MYO5A: variants seen among roughly 807,000 people sequenced by gnomAD.
MYO5A encodes myosin VA, also known as unconventional myosin-Va.
In MYO5A, 98 loss-of-function variants were observed where a neutral mutation model predicts 249.7. The ratio of observed to expected loss-of-function variants is 0.39; its 90% CI spans 0.33 to 0.46. MYO5A has a LOEUF of 0.46. Ranked by LOEUF, MYO5A falls within the 20% of genes least tolerant of loss-of-function variation. The probability of loss-of-function intolerance (pLI) is 0.98; values close to 1 mark genes in which losing one functional copy is unlikely to be tolerated. For synonymous variants in MYO5A, 778 were observed against 810.6 expected (o/e 0.96, Z 0.68); for missense variants, 1,696 against 2,308.8 (o/e 0.73, Z 5.44).
chr15:52,397,405 C>T lies in MYO5A; in HGVS notation c.1115G>A (p.Cys372Tyr), dbSNP rs751415271. The T allele has an allele frequency of 8.1e-6, 13 of 1,613,918 alleles. No homozygotes were observed. In the Admixed American group the frequency reaches 2.2e-4, roughly 27 times the overall value. Residue 372 changes from cysteine to tyrosine, a missense_variant, in exon 10 of 42, where the codon TGT (cysteine) becomes TAT (tyrosine). By Grantham distance (194) the Cys-to-Tyr change is radical (BLOSUM62 -2). Transcript: ENST00000399233. ...CAGTTTCCGATGGCAGAGCCAGTGA[C>T]ACATCTCCTCATAGTCCACACCCAT... is the stretch of plus-strand genomic sequence containing the variant. ...ELMGVDYEEM[C>Y]HWLCHRKLAT...
At chr15:52,393,144 G>T (rs1471837199) in intron 11 of MYO5A, among the ~76,000 whole-genome samples, 1 of 152,168 alleles carries the variant, frequency 6.6e-6, no homozygotes, top group African/African-American at 2.4e-5. Flanking sequence ...CATTCTTGGG[G>T]AGTTTCTGCC....
intron 6 of MYO5A, among the ~76,000 whole-genome samples, chr15:52,409,385 T>C (rs886276043): frequency 2.6e-5 from 4 of 152,190 alleles, no homozygotes; most frequent in Non-Finnish European, 5.9e-5. Context: ...GCCATCAGCA[T>C]AGTAACACTG....
At chr15:52,493,436 G>C (rs2076975136) in intron 1 of MYO5A, among the ~76,000 whole-genome samples, 1 of 152,164 alleles carries the variant, frequency 6.6e-6, no homozygotes, top group South Asian at 2.1e-4. Context: ...GTCGAGGCAG[G>C]CAGATCACTT....
chr15:52,465,515 G>A (rs2076334323), intron 1 of MYO5A, among the ~76,000 whole-genome samples: 2 of 152,160 alleles, frequency 1.3e-5, no homozygotes, highest in Admixed American at 1.3e-4. Flanking sequence ...GTCCCTTAAT[G>A]TATAAAGAAC....
At chr15:52,399,681 CA>C (rs1351534534) in intron 9 of MYO5A, among the ~76,000 whole-genome samples, 2 of 151,594 alleles carry the variant, frequency 1.3e-5, no homozygotes, top group Non-Finnish European at 2.9e-5. Context: ...ATTTTAGAAT[CA>C]GGGGGCACAT....
At chr15:52,388,253 T>C (rs535843089) in intron 13 of MYO5A, among the ~76,000 whole-genome samples, 1 of 152,288 alleles carries the variant, frequency 6.6e-6, no homozygotes, top group African/African-American at 2.4e-5. Context: ...CCAACCTAGG[T>C]TACCATCAAG....
At chr15:52,386,704 G>A (rs1213021498) in intron 14 of MYO5A, among the ~76,000 whole-genome samples, 2 of 151,938 alleles carry the variant, frequency 1.3e-5, no homozygotes, top group African/African-American at 4.8e-5. Flanking sequence ...GCACCACCAT[G>A]CCCAGCAAAT....
At chr15:52,415,540 C>T (rs1399547261) in intron 5 of MYO5A, among the ~76,000 whole-genome samples, 1 of 152,098 alleles carries the variant, frequency 6.6e-6, no homozygotes, top group Non-Finnish European at 1.5e-5. Context: ...TTTTATGAAC[C>T]TATAGCTGTG....
intron 33 of MYO5A, 43 bp downstream of exon 33, chr15:52,337,767 G>A (rs961403177): frequency 3.5e-6 from 5 of 1,412,856 alleles, no homozygotes; most frequent in Non-Finnish European, 4.8e-6. Flanking sequence ...AGGGCTATAA[G>A]TAGCAAGGGA....
At chr15:52,409,863 T>C (rs2043173567) in intron 6 of MYO5A, among the ~76,000 whole-genome samples, 1 of 152,194 alleles carries the variant, frequency 6.6e-6, no homozygotes, top group South Asian at 2.1e-4. Flanking sequence ...TTGATAGTAG[T>C]TCACAATTGG....
At chr15:52,356,827 G>A (rs2040251371) in intron 25 of MYO5A, among the ~76,000 whole-genome samples, 1 of 120,848 alleles carries the variant, frequency 8.3e-6, no homozygotes. Flanking sequence ...TTATTTTCAG[G>A]AATTGTATAT....
chr15:52,392,094 A>G (rs1302510276), intron 11 of MYO5A, 24 bp from the exon 12 acceptor site: 1 of 1,600,704 alleles, frequency 6.2e-7, no homozygotes, highest in East Asian at 2.2e-5. Flanking sequence ...GAAAAAAAGC[A>G]GTCATTACTG....
chr15:52,403,662 A>T (rs1567093233), intron 9 of MYO5A, among the ~76,000 whole-genome samples: 9 of 152,248 alleles, frequency 5.9e-5, no homozygotes, highest in Admixed American at 5.9e-4. Context: ...ACTAAAAGCC[A>T]CTTAATGGTA....
At chr15:52,474,160 T>C (rs1283169421) in intron 1 of MYO5A, among the ~76,000 whole-genome samples, 1 of 152,230 alleles carries the variant, frequency 6.6e-6, no homozygotes, top group Admixed American at 6.5e-5. Context: ...CAATTGTGAA[T>C]GGGAGTTCAC....
chr15:52,416,294 G>A lies in MYO5A; in HGVS notation c.463C>T (p.Arg155Ter), dbSNP rs2043479059. The change falls in exon 5 of 42, where the codon CGA (arginine) becomes TGA (stop). Residue 155 changes from arginine (R) to a stop codon, truncating the protein, a stop_gained. Coordinates refer to ENST00000399233, the MANE Select transcript of MYO5A (RefSeq NM_001382347.1). LOFTEE classifies it high-confidence loss of function. ...EAYKQMARDE[R>*]NQSIIVSGES... ...CCACTTACGATGATGGACTGATTTC[G>A]TTCATCTCTGTAAAATAAAAATTTT... The A allele has an allele frequency of 1.2e-6, 2 of 1,613,624 alleles. No individual in the cohort carries two copies. The highest frequency in any genetic ancestry group is 1.1e-5 in the South Asian group (1 of 91,074).
chr15:52,381,149 A>G (rs2041721810), intron 16 of MYO5A, among the ~76,000 whole-genome samples: 1 of 150,514 alleles, frequency 6.6e-6, no homozygotes, highest in South Asian at 2.1e-4. Flanking sequence ...GTTCTGAGCG[A>G]TCCATCCGGG....
chr15:52,528,247 C>G (rs757670760), intron 1 of MYO5A, among the ~76,000 whole-genome samples: 1 of 152,178 alleles, frequency 6.6e-6, no homozygotes, highest in Non-Finnish European at 1.5e-5. Flanking sequence ...GCTCGCCACC[C>G]CCAGCGCAGC....
chr15:52,333,738 A>C (rs1317328599), intron 34 of MYO5A, among the ~76,000 whole-genome samples: 1 of 152,150 alleles, frequency 6.6e-6, no homozygotes, highest in Non-Finnish European at 1.5e-5. Flanking sequence ...CCTTAATTAA[A>C]TGTAGCTTGT....
At chr15:52,348,885 A>G in intron 28 of MYO5A, 59 bp from the exon 29 acceptor site, 2 of 1,570,742 alleles carry the variant, frequency 1.3e-6, no homozygotes, top group Non-Finnish European at 1.7e-6. Context: ...CCTTAGTTCC[A>G]TAAATAAATT....
Sources: gnomAD v4.1 joint callset for allele counts (sites outside exome capture counted in the v4.1 genomes callset) on GRCh38, gnomAD v4.1.1 for gene constraint, MANE v1.5 for transcripts, NCBI Gene and HGNC (gene_info 2026-07-23, HGNC 2026-07-21) for gene names.